The following FOXP2 variants were observed in gnomAD, a reference collection of about 807,000 sequenced individuals.
FOXP2 encodes forkhead box protein P2.
Under a neutral mutation model 115.8 loss-of-function variants are expected in FOXP2, and 12 were observed. The ratio of observed to expected loss-of-function variants is 0.10; its 90% CI spans 0.07 to 0.17. The LOEUF (loss-of-function observed/expected upper bound fraction) is 0.17, where lower values mean the gene tolerates loss of function less well. Among genes scored for constraint, FOXP2 ranks in the 10% least tolerant of loss-of-function variants. The probability of loss-of-function intolerance (pLI) is 1.00; values close to 1 mark genes in which losing one functional copy is unlikely to be tolerated. For synonymous variants in FOXP2, 328 were observed against 297.7 expected (o/e 1.10, Z -1.05); for missense variants, 629 against 843.5 (o/e 0.75, Z 3.15).
chr7:114,441,548 G>A (rs1370461046), intron 2 of FOXP2, among the ~76,000 whole-genome samples: 1 of 152,032 alleles, frequency 6.6e-6, no homozygotes, highest in Non-Finnish European at 1.5e-5. Context: ...TACAATAGCA[G>A]CCTTCAGTTT....
At chr7:114,459,673 T>C (rs2129223900) in intron 2 of FOXP2, among the ~76,000 whole-genome samples, 1 of 152,300 alleles carries the variant, frequency 6.6e-6, no homozygotes, top group South Asian at 2.1e-4. Flanking sequence ...TGGAATGTAG[T>C]GGTGTGATCT....
intron 2 of FOXP2, among the ~76,000 whole-genome samples, chr7:114,333,958 C>T (rs1797777332): frequency 6.6e-6 from 1 of 151,152 alleles, no homozygotes; most frequent in South Asian, 2.1e-4. Flanking sequence ...CTTCTCCTTA[C>T]TTTCATTAAA....
intron 2 of FOXP2, among the ~76,000 whole-genome samples, chr7:114,444,100 A>T (rs1794726489): frequency 6.6e-6 from 1 of 152,172 alleles, no homozygotes; most frequent in Non-Finnish European, 1.5e-5. Flanking sequence ...GGCCAATGCT[A>T]AAACATATGT....
At chr7:114,582,342 A>G (rs1289547608) in intron 3 of FOXP2, among the ~76,000 whole-genome samples, 1 of 152,206 alleles carries the variant, frequency 6.6e-6, no homozygotes, top group Non-Finnish European at 1.5e-5. Context: ...CTTCTCCCGC[A>G]GTGTCACAAC....
intron 1 of FOXP2, among the ~76,000 whole-genome samples, chr7:114,109,362 C>G (rs1791207329): frequency 1.3e-5 from 2 of 152,010 alleles, no homozygotes; most frequent in African/African-American, 4.8e-5. Context: ...CATTCTGTCT[C>G]ATCTTCATAA....
In FOXP2 at chr7:114,593,058, A is replaced by G. The variant is rs115809956; in HGVS notation, c.259-35482A>G. Among the ~76,000 whole-genome samples, 996 of 152,120 alleles carry G rather than the reference A, an allele frequency of 6.5e-3. 12 individuals are homozygous for G. Among genetic ancestry groups the G allele is most frequent in the African/African-American group, 0.023 (951 of 41,526 alleles). The stretch of plus-strand genomic sequence containing the variant: ...ATGAGGTTCAAGGTATTGACTGCTA[A>G]AAAATCATAGGATTGAATAGTTTCT... On this transcript the variant is annotated intron_variant, in intron 3 of 16. Coordinates refer to ENST00000350908, the MANE Select transcript of FOXP2 (RefSeq NM_014491.4).
chr7:114,638,481 C>A (rs1012281221), intron 6 of FOXP2, among the ~76,000 whole-genome samples: 10 of 152,234 alleles, frequency 6.6e-5, no homozygotes, highest in South Asian at 2.1e-4. Context: ...AACCATCAAG[C>A]CTTCAAAGCT....
chr7:114,481,995 C>G (rs1259422511), intron 2 of FOXP2, among the ~76,000 whole-genome samples: 3 of 151,418 alleles, frequency 2.0e-5, no homozygotes, highest in African/African-American at 7.2e-5. Context: ...CTGATTTTAA[C>G]TTAATCACCA....
chr7:114,407,772 A>T (rs1793069353), intron 2 of FOXP2, among the ~76,000 whole-genome samples: 2 of 152,118 alleles, frequency 1.3e-5, no homozygotes, highest in African/African-American at 4.8e-5. Context: ...TTTTGCAAAA[A>T]GTATGGGTGC....
chr7:114,588,249 G>A (rs1420996628), intron 3 of FOXP2, among the ~76,000 whole-genome samples: 5 of 152,120 alleles, frequency 3.3e-5, no homozygotes, highest in African/African-American at 7.2e-5. Context: ...GGAGGTTGCC[G>A]TGAGCCAAGA....
chr7:114,627,372 G>T (rs1804648051), intron 3 of FOXP2, among the ~76,000 whole-genome samples: 1 of 152,034 alleles, frequency 6.6e-6, no homozygotes, highest in South Asian at 2.1e-4. Context: ...CAGTAAAAGT[G>T]AATTGTTTTT....
intron 3 of FOXP2, among the ~76,000 whole-genome samples, chr7:114,562,763 A>G (rs1036056395): frequency 5.4e-5 from 5 of 92,124 alleles, no homozygotes; most frequent in African/African-American, 1.5e-4. Flanking sequence ...TCAGACAATT[A>G]TCTTAACCCT....
rs192155368 is a variant in FOXP2 at position 114,374,478 on chromosome 7, A to G, written c.-10-52024A>G. Among the ~76,000 whole-genome samples the G allele has an allele frequency of 3.0e-3, 461 of 152,324 alleles. 4 individuals carry two copies. Among genetic ancestry groups the G allele is most frequent in the African/African-American group, 0.011 (449 of 41,564 alleles). On this transcript the variant is annotated intron_variant, in intron 2 of 17. Coordinates refer to the FOXP2 transcript ENST00000634411. ...TATTTATTGTATGTTAACAATGTGC[A>G]AAATGGTCAACTAGAGACTGGAAGG...
intron 1 of FOXP2, among the ~76,000 whole-genome samples, chr7:114,242,270 G>T (rs886590742): frequency 6.6e-6 from 1 of 151,960 alleles, no homozygotes; most frequent in South Asian, 2.1e-4. Flanking sequence ...GACACATGAT[G>T]ATTTTGTAGA....
chr7:114,254,039 C>T (rs9691139), intron 1 of FOXP2, among the ~76,000 whole-genome samples: 6,314 of 152,190 alleles, frequency 0.041, 324 homozygotes, highest in African/African-American at 0.12. Context: ...TTTTATTTCT[C>T]CTTCACTTAT....
At chr7:114,398,018 A>C (rs115211090) in intron 2 of FOXP2, among the ~76,000 whole-genome samples, 1 of 152,014 alleles carries the variant, frequency 6.6e-6, no homozygotes, top group African/African-American at 2.4e-5. Context: ...GAGAAATTCG[A>C]TGGAGAGTGG....
chr7:114,505,470 G>A (rs6466488), intron 2 of FOXP2, among the ~76,000 whole-genome samples: 95,732 of 150,844 alleles, frequency 0.63, 31,383 homozygotes, highest in African/African-American at 0.8. Context: ...TAATGCAGAG[G>A]GGTTTAATTT....
chr7:114,436,499 T>A (rs1486742609), intron 2 of FOXP2, among the ~76,000 whole-genome samples: 4 of 151,360 alleles, frequency 2.6e-5, no homozygotes, highest in Admixed American at 6.6e-5. Context: ...AAATTATTGA[T>A]ATAAAATTCT....
intron 2 of FOXP2, among the ~76,000 whole-genome samples, chr7:114,524,118 A>G (rs1187657804): frequency 6.6e-6 from 1 of 152,146 alleles, no homozygotes; most frequent in Non-Finnish European, 1.5e-5. Flanking sequence ...TTATTTATAG[A>G]TGATAACGTT....
Sources: allele counts gnomAD v4.1 joint callset (sites outside exome capture counted in the v4.1 genomes callset), GRCh38; gene constraint gnomAD v4.1.1; transcripts MANE v1.5; gene names NCBI Gene and HGNC (gene_info 2026-07-23, HGNC 2026-07-21).